CFLAR: variants seen among roughly 807,000 people sequenced by gnomAD.
CFLAR encodes CASP8 and FADD-like apoptosis regulator.
A neutral mutation model predicts 51.1 loss-of-function variants in CFLAR; 14 were observed. The ratio of observed to expected loss-of-function variants is 0.27; its 90% CI spans 0.18 to 0.43. The LOEUF (loss-of-function observed/expected upper bound fraction) is 0.43. Ranked by LOEUF, CFLAR falls within the 20% of genes least tolerant of loss-of-function variation. CFLAR has a pLI of 1.00. For synonymous variants in CFLAR, 210 were observed against 211.6 expected (o/e 0.99, Z 0.06); for missense variants, 390 against 566.5 (o/e 0.69, Z 3.16).
At chr2:201,123,244 A>G (rs1258320629) in intron 1 of CFLAR, among the ~76,000 whole-genome samples, 1 of 152,200 alleles carries the variant, frequency 6.6e-6, no homozygotes, top group Non-Finnish European at 1.5e-5. Context: ...ATTGGCGATA[A>G]TGTCTGGTTG....
At chr2:201,129,685 G>T in intron 1 of CFLAR, 44 bp from the exon 2 acceptor site, 1 of 594,914 alleles carries the variant, frequency 1.7e-6, no homozygotes, top group Non-Finnish European at 2.9e-6. Context: ...TTAGGCATAA[G>T]TTAGCTTGAT....
Position 201,168,776 on chromosome 2 carries a change from A to T in CFLAR, c.*4803A>T, listed in dbSNP as rs1943826268. On this transcript the variant is annotated 3_prime_UTR_variant, in exon 10 of 10. Coordinates refer to ENST00000309955, the MANE Select transcript of CFLAR (RefSeq NM_003879.7). ...TAAGCAACTTCAGCAAAGTCTCAGG[A>T]TACAAAATCAATGTGCAGAAATCAC... 6.6e-6 allele frequency: 1 copy of T among 152,214 alleles called. No individual in the cohort carries two copies. Among genetic ancestry groups the T allele is most frequent in the African/African-American group, 2.4e-5 (1 of 41,450 alleles). The allele number at this position is 152,214 out of a possible 1,614,324, so 9.4% of individuals were successfully genotyped here. A position where few individuals can be genotyped will look rare whatever the true frequency, so the allele number is the denominator to read the frequency against.
intron 1 of CFLAR, among the ~76,000 whole-genome samples, chr2:201,122,116 CA>C (rs924989820): frequency 6.6e-6 from 1 of 152,236 alleles, no homozygotes; most frequent in Admixed American, 6.5e-5. Flanking sequence ...TAAACTCAGG[CA>C]GCTTGACCTG....
chr2:201,158,688 A>G (rs1344860915), intron 8 of CFLAR, among the ~76,000 whole-genome samples: 2 of 152,154 alleles, frequency 1.3e-5, no homozygotes, highest in African/African-American at 2.4e-5. Context: ...GCTAGGGGAC[A>G]GTGCGTCCAG....
chr2:201,153,359 G>A (rs1239640441), intron 8 of CFLAR: 1 of 152,228 alleles, frequency 6.6e-6, no homozygotes. Flanking sequence ...GAAGTGGAAA[G>A]GCACAGTCTC....
At chr2:201,130,186 G>T in intron 2 of CFLAR, 40 bp downstream of exon 2, 1 of 377,152 alleles carries the variant, frequency 2.7e-6, no homozygotes, top group Non-Finnish European at 5.5e-6. Flanking sequence ...TGGGTGGGAG[G>T]GAGTGAAGTG....
rs1437260494 is a variant in CFLAR, at chr2:201,141,607, TG to T, written c.606+1169del. The stretch of plus-strand genomic sequence containing the variant: ...ATATCCTTGTACTTCTTTGTGCATT[TG>T]TTTTTTTACTGAGCTAATTTTAATG... On this transcript the variant is annotated intron_variant, in intron 5 of 9. Coordinates refer to ENST00000309955, the MANE Select transcript of CFLAR (RefSeq NM_003879.7). 2.3e-6 allele frequency: 3 copies of T among 1,317,606 alleles called. No individual in the cohort carries two copies. In the East Asian group the frequency reaches 8.8e-5, roughly 39 times the overall value. 81.6% of individuals were successfully genotyped at this position (1,317,606 alleles called of 1,614,324 possible).
chr2:201,121,345 G>C (rs2048170059), intron 1 of CFLAR, among the ~76,000 whole-genome samples: 1 of 152,162 alleles, frequency 6.6e-6, no homozygotes, highest in African/African-American at 2.4e-5. Flanking sequence ...TAGGCTTTCT[G>C]TAAACGTGCT....
chr2:201,149,726 C>CCA, intron 7 of CFLAR, 28 bp from the exon 8 acceptor site: 1 of 1,558,942 alleles, frequency 6.4e-7, no homozygotes, highest in African/African-American at 1.4e-5. Context: ...TATCCAGAGT[C>CCA]TTTAGCATTT....
At position 201,116,915 on chromosome 2, in the gene CFLAR, C is replaced by A. The variant is rs2047659883; in HGVS notation, c.-138+434C>A. ...GGCCAACTCTGGCCGCCCCCTGCAG[C>A]CGCAGCCCCAGAGGCCCACCCGCGA... is the stretch of plus-strand genomic sequence containing the variant. On this transcript the variant is annotated intron_variant, in intron 1 of 9. Transcript: ENST00000309955. The surrounding 1 kb of genome is among the most constrained non-coding windows in gnomAD (Gnocchi z 4.8). 6.6e-6 allele frequency: 1 copy of A among 152,374 alleles called. No homozygotes were observed. The highest frequency in any genetic ancestry group is 2.4e-5 in the African/African-American group (1 of 41,476). 9.4% of individuals were successfully genotyped at this position (152,374 alleles called of 1,614,324 possible).
In CFLAR at chr2:201,175,317, A is replaced by G. The variant is rs1277671724; in HGVS notation, c.*11344A>G. The G allele has an allele frequency of 1.3e-5, 2 of 152,240 alleles. No homozygotes were observed. Among genetic ancestry groups the G allele is most frequent in the Admixed American group, 6.5e-5 (1 of 15,278 alleles). The allele number at this position is 152,240 out of a possible 1,614,324, so 9.4% of individuals were successfully genotyped here. ...CCTTAACCTTGGGGTACTTTTGCCT[A>G]TAACAAACATACAAAGATAAGTTTG... On this transcript the variant is annotated 3_prime_UTR_variant, in exon 10 of 10. Transcript: ENST00000309955.
chr2:201,147,027 C>G (rs1940327530), intron 6 of CFLAR, among the ~76,000 whole-genome samples: 2 of 152,094 alleles, frequency 1.3e-5, no homozygotes, highest in South Asian at 2.1e-4. Context: ...TATTCCGAAG[C>G]CTGTTTAAAG....
At chr2:201,134,305 C>T (rs2049793122) in intron 3 of CFLAR, among the ~76,000 whole-genome samples, 2 of 150,542 alleles carry the variant, frequency 1.3e-5, no homozygotes, top group African/African-American at 2.5e-5. Context: ...AAGACTCTGT[C>T]TCAAAAAAAA....
chr2:201,145,408 C>T lies in CFLAR; in HGVS notation c.637C>T (p.Leu213Phe). 1 of 1,607,698 alleles carries T rather than the reference C, an allele frequency of 6.2e-7. No homozygotes were observed. Among genetic ancestry groups the T allele is most frequent in the Non-Finnish European group, 8.5e-7 (1 of 1,174,774 alleles). Residue 213 changes from leucine (L) to phenylalanine (F), a missense_variant, in exon 6 of 10, where the codon CTT becomes TTT. This residue lies in a region of CFLAR where 287 missense variants were observed against 363.6 expected (regional missense o/e 0.79). Transcript: ENST00000309955. ...TAATGGGAGAAGTAAAGAACAAAGA[C>T]TTAAGGAACAGCTTGGCGCTCAACG... ...LHNGRSKEQR[L>F]KEQLGAQQEP...
chr2:201,155,212 T>G (rs1455675577), intron 8 of CFLAR, among the ~76,000 whole-genome samples: 1 of 152,154 alleles, frequency 6.6e-6, no homozygotes, highest in Non-Finnish European at 1.5e-5. Flanking sequence ...CTCTGGTTGT[T>G]TTTAAGGCCC....
chr2:201,141,270 C>G (rs1418410194), intron 5 of CFLAR: 13 of 1,428,750 alleles, frequency 9.1e-6, no homozygotes, highest in Non-Finnish European at 1.2e-5. Flanking sequence ...ATACTGACCT[C>G]CAATTATTTT....
In CFLAR at chr2:201,138,751, C is replaced by T; in HGVS notation, c.524-1606C>T. 1.3e-6 allele frequency: 1 copy of T among 774,652 alleles called. No individual in the cohort carries two copies. The highest frequency in any genetic ancestry group is 2.4e-5 in the East Asian group (1 of 40,960). 48.0% of individuals were successfully genotyped at this position (774,652 alleles called of 1,614,324 possible). ...TCAAACTTCTTGACCTTCTGCACCT[C>T]ACTGGCCTGGAACTCTGGGGTGCAG... On this transcript the variant is annotated intron_variant, in intron 4 of 9. Transcript: ENST00000309955. This position sits in a 1 kb window ranked among gnomAD's most constrained non-coding sequence, Gnocchi z 4.0.
At chr2:201,125,756 A>AG (rs2048620376) in intron 1 of CFLAR, among the ~76,000 whole-genome samples, 1 of 152,118 alleles carries the variant, frequency 6.6e-6, no homozygotes, top group Non-Finnish European at 1.5e-5. Flanking sequence ...GAGCAGCCGT[A>AG]GGGGCCCAGC....
At position 201,170,369 on chromosome 2, in the gene CFLAR, T is replaced by A. The variant is rs1410757036; in HGVS notation, c.*6396T>A. 2.0e-5 allele frequency: 3 copies of A among 152,062 alleles called. No individual in the cohort carries two copies. Among genetic ancestry groups the A allele is most frequent in the African/African-American group, 7.2e-5 (3 of 41,442 alleles). 9.4% of individuals were successfully genotyped at this position (152,062 alleles called of 1,614,324 possible). On this transcript the variant is annotated 3_prime_UTR_variant, in exon 10 of 10. Transcript: ENST00000309955. ...AAAAAGTAATGTTTGTATTGAAATC[T>A]TGAGTCTGGCCATGTTTCTATTTTA... is the stretch of plus-strand genomic sequence containing the variant.
Sources: allele counts gnomAD v4.1 joint callset (sites outside exome capture counted in the v4.1 genomes callset), GRCh38; gene constraint gnomAD v4.1.1; regional missense constraint gnomAD v4.1.1; non-coding constraint Gnocchi (gnomAD v3.1); transcripts MANE v1.5; gene names NCBI Gene and HGNC (gene_info 2026-07-23, HGNC 2026-07-21).